Variants in ROBO2 observed in about 807,000 individuals in gnomAD.
ROBO2 encodes roundabout guidance receptor 2.
A neutral mutation model predicts 160.8 loss-of-function variants in ROBO2; 53 were observed. The ratio of observed to expected loss-of-function variants is 0.33; its 90% confidence interval spans 0.26 to 0.41. The LOEUF (loss-of-function observed/expected upper bound fraction) is 0.41, where lower values mean the gene tolerates loss of function less well. Among genes scored for constraint, ROBO2 ranks in the 10% least tolerant of loss-of-function variants. The pLI is 1.00. For missense variants in ROBO2, 1,577 were observed against 1,722.4 expected (o/e 0.92, Z 1.49); for synonymous variants, 664 against 611.7 (o/e 1.09, Z -1.26).
rs566936447 is a variant in ROBO2, at chr3:76,928,722, C to A, written c.110-169292C>A. ...CCTGGTTTTCTTCCTCTCTATCAAC[C>A]ACTTCTTTCTCCACAGTTTTGTTAG... On this transcript the variant is annotated intron_variant, in intron 2 of 26. Coordinates refer to the ROBO2 transcript ENST00000487694. Among the ~76,000 whole-genome samples, 10 of 152,280 alleles carry A rather than the reference C, an allele frequency of 6.6e-5. No individual in the cohort carries two copies. The South Asian group carries it at 1.9e-3, about 28-fold the overall frequency.
chr3:77,296,878 A>G (rs564086944), intron 2 of ROBO2, among the ~76,000 whole-genome samples: 3 of 152,280 alleles, frequency 2.0e-5, no homozygotes, highest in Non-Finnish European at 4.4e-5. Context: ...AGCAGCAAGA[A>G]GCCATTCAAG....
chr3:76,041,584 T>C (rs1302546618), intron 2 of ROBO2, among the ~76,000 whole-genome samples: 1 of 152,132 alleles, frequency 6.6e-6, no homozygotes, highest in Non-Finnish European at 1.5e-5. Context: ...TATCAATGAA[T>C]GTCTTTTCCA....
At chr3:75,989,066 C>T (rs945341772) in intron 2 of ROBO2, among the ~76,000 whole-genome samples, 4 of 151,970 alleles carry the variant, frequency 2.6e-5, no homozygotes, top group Non-Finnish European at 4.4e-5. Context: ...TTTTGCTACT[C>T]TTTATATTTC....
chr3:76,729,080 A>C (rs2093595146), intron 2 of ROBO2, among the ~76,000 whole-genome samples: 1 of 152,088 alleles, frequency 6.6e-6, no homozygotes, highest in Non-Finnish European at 1.5e-5. Flanking sequence ...TGTCTCAGTC[A>C]TTTGAGACAG....
At chr3:76,379,753 T>C (rs2076526439) in intron 2 of ROBO2, among the ~76,000 whole-genome samples, 1 of 152,184 alleles carries the variant, frequency 6.6e-6, no homozygotes, top group South Asian at 2.1e-4. Context: ...TAGGTGACTT[T>C]GTCATTTATT....
At chr3:77,604,080 C>G (rs1015400274) in intron 20 of ROBO2, 5 of 152,078 alleles carry the variant, frequency 3.3e-5, no homozygotes, top group Non-Finnish European at 7.4e-5. Flanking sequence ...GGAGATGGAA[C>G]CCTTTCAGTC....
chr3:76,383,144 A>G (rs1034751635), intron 2 of ROBO2, among the ~76,000 whole-genome samples: 2 of 152,170 alleles, frequency 1.3e-5, no homozygotes, highest in South Asian at 4.1e-4. Context: ...AACAGAAAAT[A>G]GTGTTCTAAA....
intron 2 of ROBO2, among the ~76,000 whole-genome samples, chr3:76,694,303 A>G (rs1296593907): frequency 5.9e-5 from 9 of 152,184 alleles, no homozygotes; most frequent in African/African-American, 1.7e-4. Context: ...CTCTCAGAAA[A>G]TGATGAGTTA....
chr3:76,522,085 G>A (rs548889572), intron 2 of ROBO2, among the ~76,000 whole-genome samples: 5 of 152,068 alleles, frequency 3.3e-5, no homozygotes, highest in South Asian at 2.1e-4. Flanking sequence ...TACAGACAAC[G>A]CTGTAAGAAT....
chr3:77,244,432 C>T (rs187511244), intron 2 of ROBO2, among the ~76,000 whole-genome samples: 8 of 152,176 alleles, frequency 5.3e-5, no homozygotes, highest in South Asian at 2.1e-4. Context: ...GTTTAGCATG[C>T]GCAAAGTCAA....
intron 2 of ROBO2, among the ~76,000 whole-genome samples, chr3:76,541,497 T>C (rs1381347214): frequency 6.6e-6 from 1 of 152,218 alleles, no homozygotes; most frequent in Non-Finnish European, 1.5e-5. Flanking sequence ...TTCATGTGTG[T>C]GTGCCATGTG....
chr3:75,940,315 G>T (rs1388220307), intron 2 of ROBO2, among the ~76,000 whole-genome samples: 1 of 152,154 alleles, frequency 6.6e-6, no homozygotes, highest in African/African-American at 2.4e-5. Flanking sequence ...AATGCAGTCT[G>T]AAATCTGAAT....
chr3:76,555,407 A>AGAC (rs2083691963), intron 2 of ROBO2, among the ~76,000 whole-genome samples: 1 of 74,774 alleles, frequency 1.3e-5, no homozygotes, highest in Non-Finnish European at 3.9e-5. Context: ...AAGAAGAAGA[A>AGAC]GAAGAAGAAG....
intron 2 of ROBO2, among the ~76,000 whole-genome samples, chr3:75,992,235 C>G (rs1325377825): frequency 2.0e-5 from 3 of 152,076 alleles, no homozygotes; most frequent in Non-Finnish European, 4.4e-5. Flanking sequence ...TGTGGTAGCC[C>G]TTCCCATCAC....
intron 2 of ROBO2, among the ~76,000 whole-genome samples, chr3:77,388,524 T>A (rs2074371242): frequency 6.6e-6 from 1 of 152,208 alleles, no homozygotes; most frequent in South Asian, 2.1e-4. Flanking sequence ...TTCTTCTTTT[T>A]TAAAGTTTGT....
intron 2 of ROBO2, among the ~76,000 whole-genome samples, chr3:77,188,719 C>G (rs913530430): frequency 6.6e-6 from 1 of 151,790 alleles, no homozygotes; most frequent in Non-Finnish European, 1.5e-5. Context: ...TCTCTACATT[C>G]TGTGTTCACC....
intron 2 of ROBO2, among the ~76,000 whole-genome samples, chr3:76,057,536 A>G (rs1246535825): frequency 6.6e-6 from 1 of 152,156 alleles, no homozygotes; most frequent in African/African-American, 2.4e-5. Flanking sequence ...ACACTTCTGC[A>G]TTCGGAATTA....
chr3:77,082,680 A>T (rs2068794031), intron 1 of ROBO2, among the ~76,000 whole-genome samples: 1 of 151,082 alleles, frequency 6.6e-6, no homozygotes, highest in Non-Finnish European at 1.5e-5. Flanking sequence ...GGTACATTTG[A>T]TTCAAATGCT....
chr3:76,678,351 T>C (rs2092467167), intron 2 of ROBO2, among the ~76,000 whole-genome samples: 1 of 152,128 alleles, frequency 6.6e-6, no homozygotes, highest in African/African-American at 2.4e-5. Flanking sequence ...TGGTGTAGTT[T>C]ATTCTGAGTC....
Sources: allele counts gnomAD v4.1 joint callset (sites outside exome capture counted in the v4.1 genomes callset), GRCh38; gene constraint gnomAD v4.1.1; transcripts MANE v1.5; gene names NCBI Gene and HGNC (gene_info 2026-07-23, HGNC 2026-07-21).